Variants in DDB2 observed in about 807,000 individuals in gnomAD.
DDB2 encodes the protein DNA damage-binding protein 2.
Under a neutral mutation model 50.5 loss-of-function variants are expected in DDB2, and 27 were observed. The observed-to-expected ratio is 0.53, with a 90% CI of 0.39 to 0.74. DDB2 has a LOEUF of 0.74. DDB2 is among the 30% of genes least tolerant of loss of function. The probability of loss-of-function intolerance (pLI) is 0.00; values close to 1 mark genes in which losing one functional copy is unlikely to be tolerated. For synonymous variants in DDB2, 176 were observed against 205.5 expected (o/e 0.86, Z 1.23); for missense variants, 424 against 545.6 (o/e 0.78, Z 2.22).
intron 7 of DDB2, chr11:47,237,596 A>G (rs1026985430): frequency 9.0e-6 from 4 of 443,832 alleles, no homozygotes; most frequent in African/African-American, 2.0e-5. Context: ...ACGCCCAGCT[A>G]ATTTTTTTTT....
chr11:47,238,905 A>T lies in DDB2; in HGVS notation c.*56A>T, dbSNP rs957508992. 13 of 1,586,222 alleles carry T rather than the reference A, an allele frequency of 8.2e-6. No homozygotes were observed. In the African/African-American group the frequency reaches 1.7e-4, roughly 21 times the overall value. On this transcript the variant is annotated 3_prime_UTR_variant, in exon 10 of 10. Transcript: ENST00000256996. Reference sequence around the variant, plus strand: ...GGCCTTGGAGCCCACACATGGGATCAAGTCCTGCAAGCAGAGGTGGCGATT... The same window carrying T: ...GGCCTTGGAGCCCACACATGGGATCTAGTCCTGCAAGCAGAGGTGGCGATT...
At chr11:47,215,341 C>T in intron 1 of DDB2, 78 bp downstream of exon 1, 1 of 1,606,114 alleles carries the variant, frequency 6.2e-7, no homozygotes, top group South Asian at 1.1e-5. Flanking sequence ...GGGATGGGTG[C>T]TCCGAGGCTC....
chr11:47,232,781 A>G (rs1444721473), intron 3 of DDB2, 33 bp from the exon 4 acceptor site: 1 of 1,612,292 alleles, frequency 6.2e-7, no homozygotes, highest in Admixed American at 1.7e-5. Context: ...CAGGCCCATC[A>G]TCACTCACTG....
intron 3 of DDB2, among the ~76,000 whole-genome samples, chr11:47,218,221 T>C (rs1052616368): frequency 2.6e-5 from 4 of 152,218 alleles, no homozygotes; most frequent in Admixed American, 6.5e-5. Context: ...TGAGATCTGA[T>C]GCTTATTTGT....
intron 3 of DDB2, among the ~76,000 whole-genome samples, chr11:47,219,874 G>A (rs893795204): frequency 6.6e-6 from 1 of 152,086 alleles, no homozygotes; most frequent in East Asian, 1.9e-4. Flanking sequence ...TGCAAGCTCC[G>A]CCTCCCAGGT....
chr11:47,237,688 G>T (rs560842794), intron 7 of DDB2, 149 bp from the exon 8 acceptor site: 5 of 773,018 alleles, frequency 6.5e-6, no homozygotes, highest in Non-Finnish European at 4.4e-6. Context: ...GCCTGCCTCA[G>T]CCTCCCAAAG....
At chr11:47,221,804 C>T (rs1177776716) in intron 3 of DDB2, 1 of 152,180 alleles carries the variant, frequency 6.6e-6, no homozygotes, top group Non-Finnish European at 1.5e-5. Flanking sequence ...TGGTCTCGAA[C>T]TCCTGACCTC....
intron 3 of DDB2, among the ~76,000 whole-genome samples, chr11:47,219,299 A>AT (rs1205334827): frequency 1.3e-5 from 2 of 152,180 alleles, no homozygotes; most frequent in African/African-American, 2.4e-5. Flanking sequence ...TTTCGTAACC[A>AT]TTTTAAAGTG....
At chr11:47,236,573 ATC>A (rs1257889871) in intron 7 of DDB2, among the ~76,000 whole-genome samples, 1 of 152,170 alleles carries the variant, frequency 6.6e-6, no homozygotes, top group African/African-American at 2.4e-5. Flanking sequence ...TATATTTTGG[ATC>A]TGTTTCCTCA....
At chr11:47,238,548 G>A (rs769558893) in intron 9 of DDB2, among the ~76,000 whole-genome samples, 24 of 152,028 alleles carry the variant, frequency 1.6e-4, no homozygotes, top group African/African-American at 4.1e-4. Context: ...ACAGGTGCCC[G>A]CTACCACGCC....
intron 3 of DDB2, among the ~76,000 whole-genome samples, chr11:47,230,173 G>A (rs1445401404): frequency 6.6e-6 from 1 of 150,782 alleles, no homozygotes; most frequent in Non-Finnish European, 1.5e-5. Flanking sequence ...CACACCTATA[G>A]CCTATAGCAC....
chr11:47,215,103 A>C lies in DDB2; in HGVS notation c.-34A>C, dbSNP rs1299750702. ...TCAATCCTCCCTCCATGATCTTCGC[A>C]TAGAGCACAGTACCCCTTCACACGG... On this transcript the variant is annotated 5_prime_UTR_variant, in exon 1 of 10. Transcript: ENST00000256996. The C allele has an allele frequency of 1.9e-6, 3 of 1,613,864 alleles. No individual in the cohort carries two copies. The South Asian group carries it at 3.3e-5, about 18-fold the overall frequency.
intron 3 of DDB2, among the ~76,000 whole-genome samples, chr11:47,230,812 G>T (rs2135505871): frequency 1.3e-5 from 2 of 152,244 alleles, no homozygotes; most frequent in Admixed American, 1.3e-4. Context: ...TACATCTTGG[G>T]GATGTAAAGT....
At position 47,238,993 on chromosome 11, in the gene DDB2, T is replaced by G; in HGVS notation, c.*144T>G. ...GCAGGGGTGCTGGGACCTGGGGCAC[T>G]GTGGGACTGGGACACTTTTATGTTA... On this transcript the variant is annotated 3_prime_UTR_variant, in exon 10 of 10. Transcript: ENST00000256996. 2.5e-6 allele frequency: 2 copies of G among 791,630 alleles called. No homozygotes were observed. Among genetic ancestry groups the G allele is most frequent in the Non-Finnish European group, 4.1e-6 (2 of 482,830 alleles). The allele number at this position is 791,630 out of a possible 1,614,324, so 49.0% of individuals were successfully genotyped here.
intron 3 of DDB2, among the ~76,000 whole-genome samples, chr11:47,224,349 C>A (rs919385251): frequency 1.3e-5 from 2 of 152,150 alleles, no homozygotes; most frequent in African/African-American, 4.8e-5. Flanking sequence ...CTGCCTCAGC[C>A]TCCCGAGTAG....
At position 47,237,936 on chromosome 11, in the gene DDB2, T is replaced by C; in HGVS notation, c.1123T>C (p.Phe375Leu). ...TTATGAATTGAGGACGATCGACGTG[T>C]TCGATGGAAACTCAGGGAAGATGAT... ...TPYELRTIDV[F>L]DGNSGKMMCQ... The change falls in exon 8 of 10, where the codon TTC (phenylalanine) becomes CTC (leucine). Residue 375 changes from phenylalanine to leucine, a missense_variant. Physicochemically the swap from Phe to Leu is conservative, Grantham distance 22. Transcript: ENST00000256996. 6.2e-7 allele frequency: 1 copy of C among 1,614,118 alleles called. No homozygotes were observed. The highest frequency in any genetic ancestry group is 8.5e-7 in the Non-Finnish European group (1 of 1,180,028).
In DDB2 at chr11:47,232,876, CG is replaced by C; in HGVS notation, c.520del (p.Ala174ProfsTer52). Reference protein sequence around the residue: ...FNPLNTNQFYASSMEGTTRLQ... With the variant: ...FNPLNTNQFYXSSMEGTTRLQ... ...ACCCTCTCAATACCAACCAGTTTTA[CG>C]CCTCCTCAATGGAGGGAACAACTAG... On this transcript the variant is annotated frameshift_variant, in exon 4 of 10. Coordinates refer to ENST00000256996, the MANE Select transcript of DDB2 (RefSeq NM_000107.3). LOFTEE classifies it high-confidence loss of function. The C allele has an allele frequency of 6.2e-7, 1 of 1,614,076 alleles. No homozygotes were observed. Among genetic ancestry groups the C allele is most frequent in the Non-Finnish European group, 8.5e-7 (1 of 1,179,976 alleles).
rs12274713 is a variant in DDB2 at position 47,236,679 on chromosome 11, G to A, written c.1024-1158G>A. Among the ~76,000 whole-genome samples the A allele has an allele frequency of 9.9e-3, 1,501 of 152,340 alleles. 28 individuals are homozygous for A. The highest frequency in any genetic ancestry group is 0.034 in the African/African-American group (1,410 of 41,570). ...CACTTGGCCCCATGCCCAGCACCTG[G>A]TAAGTACTGGTAAGTATTCAATAAA... is the stretch of plus-strand genomic sequence containing the variant. On this transcript the variant is annotated intron_variant, in intron 7 of 9. Coordinates refer to ENST00000256996, the MANE Select transcript of DDB2 (RefSeq NM_000107.3).
At chr11:47,234,485 G>A (rs1314604616) in intron 4 of DDB2, 88 bp from the exon 5 acceptor site, 6 of 989,832 alleles carry the variant, frequency 6.1e-6, no homozygotes, top group Admixed American at 1.7e-5. Flanking sequence ...TTGAATGCCC[G>A]CTGTGGGTTA....
Sources: allele counts gnomAD v4.1 joint callset (sites outside exome capture counted in the v4.1 genomes callset), GRCh38; gene constraint gnomAD v4.1.1; transcripts MANE v1.5; gene names NCBI Gene and HGNC (gene_info 2026-07-23, HGNC 2026-07-21).